The following RYR3 variants were observed in gnomAD, a reference collection of about 807,000 sequenced individuals.
The protein encoded by RYR3 is brain ryanodine receptor-calcium release channel.
In RYR3, 207 loss-of-function variants were observed where a neutral mutation model predicts 584.3. The observed-to-expected ratio is 0.35, with a 90% CI of 0.32 to 0.40. The LOEUF (loss-of-function observed/expected upper bound fraction) is 0.40, where lower values mean the gene tolerates loss of function less well. RYR3 is among the 10% of genes least tolerant of loss of function. The probability of loss-of-function intolerance (pLI) is 1.00; values close to 1 mark genes in which losing one functional copy is unlikely to be tolerated. For missense variants in RYR3, 5,616 were observed against 6,089.2 expected (o/e 0.92, Z 2.59); for synonymous variants, 2,416 against 2,248.5 (o/e 1.07, Z -2.11).
At chr15:33,564,002 C>G (rs1595610813) in intron 11 of RYR3, among the ~76,000 whole-genome samples, 1 of 152,160 alleles carries the variant, frequency 6.6e-6, no homozygotes, top group East Asian at 1.9e-4. Context: ...TTTCAACAAC[C>G]AAGCCACCCA....
chr15:33,706,898 C>T, intron 42 of RYR3, 21 bp from the exon 43 acceptor site: 1 of 1,582,110 alleles, frequency 6.3e-7, no homozygotes, highest in Non-Finnish European at 8.6e-7. Context: ...CGAAAGAACA[C>T]TTTTGTACTG....
rs753855331 is a variant in RYR3, at chr15:33,838,521, G to C, written c.12541G>C (p.Val4181Leu). ...NVKKMTAKEL[V>L]KVLFSFFWML... is the part of the protein sequence containing the mutation. ...GAAAAAGATGACTGCGAAGGAGCTGGTGAAGGTGCTCTTCTCCTTTTTCTG... is the reference window on the plus strand; with the variant it reads ...GAAAAAGATGACTGCGAAGGAGCTGCTGAAGGTGCTCTTCTCCTTTTTCTG... Residue 4181 changes from valine (V) to leucine (L), a missense_variant, in exon 89 of 104, where the codon GTG becomes CTG. Around this residue, in one of 9 missense-constraint regions of RYR3, gnomAD observed 918 missense variants for 887.4 expected, o/e 1.03. Transcript: ENST00000634891. 3 of 1,613,998 alleles carry C rather than the reference G, an allele frequency of 1.9e-6. No individual in the cohort carries two copies. The African/African-American group carries it at 4.0e-5, about 22-fold the overall frequency.
chr15:33,756,637 G>C (rs574513312), intron 59 of RYR3, among the ~76,000 whole-genome samples: 12 of 152,244 alleles, frequency 7.9e-5, no homozygotes, highest in East Asian at 7.7e-4. Flanking sequence ...GCCTGTGTGC[G>C]TGGTTCAGAC....
chr15:33,605,832 C>T (rs2059878991), intron 18 of RYR3, among the ~76,000 whole-genome samples: 3 of 152,094 alleles, frequency 2.0e-5, no homozygotes, highest in African/African-American at 7.2e-5. Context: ...AGAAATGAAA[C>T]AGAAATAACA....
intron 85 of RYR3, among the ~76,000 whole-genome samples, chr15:33,829,751 CAAAA>C (rs56172137): frequency 0.25 from 33,125 of 134,808 alleles, 3,829 homozygotes; most frequent in Middle Eastern, 0.42. Flanking sequence ...GACTCTGTCT[CAAAA>C]AAAAAAAAAA....
intron 52 of RYR3, among the ~76,000 whole-genome samples, chr15:33,743,277 T>C (rs546524613): frequency 1.3e-5 from 2 of 152,284 alleles, no homozygotes; most frequent in East Asian, 3.9e-4. Context: ...TGATAACAGC[T>C]ATCATTGTAA....
At chr15:33,376,750 C>T (rs1381452538) in intron 1 of RYR3, among the ~76,000 whole-genome samples, 3 of 152,098 alleles carry the variant, frequency 2.0e-5, no homozygotes, top group Admixed American at 6.5e-5. Context: ...TTTTATGGTC[C>T]GAACTTTCAC....
intron 1 of RYR3, among the ~76,000 whole-genome samples, chr15:33,448,192 G>A (rs903839224): frequency 3.3e-5 from 5 of 152,192 alleles, no homozygotes; most frequent in African/African-American, 1.2e-4. Flanking sequence ...GCCTCCGGGA[G>A]GATAAGCAGC....
intron 17 of RYR3, among the ~76,000 whole-genome samples, chr15:33,602,611 C>T (rs967175081): frequency 2.0e-5 from 3 of 151,932 alleles, no homozygotes; most frequent in Non-Finnish European, 4.4e-5. Flanking sequence ...ACTCAGTAAA[C>T]GTTGGTTGCC....
In RYR3 at chr15:33,408,829, T is replaced by G. The variant is rs527564595; in HGVS notation, c.52-64590T>G. On this transcript the variant is annotated intron_variant, in intron 1 of 103. Coordinates refer to ENST00000634891, the MANE Select transcript of RYR3 (RefSeq NM_001036.6). ...TAGTAGGCAGCAGAGGACATAAAATTTTAGTATTTTGGGTCTCAACTTCAG... is the reference window on the plus strand; with the variant it reads ...TAGTAGGCAGCAGAGGACATAAAATGTTAGTATTTTGGGTCTCAACTTCAG... 2.7e-4 allele frequency among the ~76,000 whole-genome samples: 41 copies of G among 152,306 alleles called. 1 individual carries two copies. The South Asian group carries it at 4.4e-3, about 16-fold the overall frequency.
chr15:33,644,840 GT>G (rs201791955), intron 28 of RYR3, among the ~76,000 whole-genome samples: 2 of 150,390 alleles, frequency 1.3e-5, no homozygotes, highest in African/African-American at 2.4e-5. Context: ...AAACTTTTCT[GT>G]TTTTTTTTCT....
At chr15:33,731,716 T>A in intron 48 of RYR3, 22 bp downstream of exon 48, 4 of 1,521,456 alleles carry the variant, frequency 2.6e-6, no homozygotes, top group Non-Finnish European at 3.6e-6. Context: ...TCCTATGTTG[T>A]TACTTCTGTG....
intron 38 of RYR3, among the ~76,000 whole-genome samples, chr15:33,692,390 T>C (rs904041166): frequency 2.6e-5 from 4 of 152,166 alleles, no homozygotes; most frequent in Non-Finnish European, 5.9e-5. Flanking sequence ...TGACAAAATA[T>C]GTTGTGCTTT....
intron 16 of RYR3, among the ~76,000 whole-genome samples, chr15:33,597,424 G>A (rs1241696742): frequency 6.6e-6 from 1 of 152,092 alleles, no homozygotes; most frequent in African/African-American, 2.4e-5. Flanking sequence ...AAACCAGCCT[G>A]GTCAACATAG....
chr15:33,640,944 CCTT>C (rs1487403839), intron 27 of RYR3, among the ~76,000 whole-genome samples: 12 of 152,156 alleles, frequency 7.9e-5, no homozygotes, highest in Non-Finnish European at 1.0e-4. Flanking sequence ...ATATGGAAAT[CCTT>C]CTTTATGACA....
chr15:33,494,781 T>C (rs1409464808), intron 2 of RYR3, among the ~76,000 whole-genome samples: 1 of 152,242 alleles, frequency 6.6e-6, no homozygotes, highest in East Asian at 1.9e-4. Context: ...ATAGCTTCTA[T>C]AGTTTTCTTC....
chr15:33,403,366 C>T (rs1484548384), intron 1 of RYR3, among the ~76,000 whole-genome samples: 1 of 152,130 alleles, frequency 6.6e-6, no homozygotes, highest in Non-Finnish European at 1.5e-5. Flanking sequence ...TGATAAGATA[C>T]ATGTTTAAAG....
chr15:33,536,564 G>A (rs2055346028), intron 5 of RYR3, among the ~76,000 whole-genome samples: 1 of 152,152 alleles, frequency 6.6e-6, no homozygotes, highest in Non-Finnish European at 1.5e-5. Context: ...GTGTGGGAGA[G>A]GGCAGGGAAG....
intron 15 of RYR3, among the ~76,000 whole-genome samples, chr15:33,584,914 G>C (rs1462025251): frequency 6.6e-6 from 1 of 151,912 alleles, no homozygotes; most frequent in Admixed American, 6.6e-5. Flanking sequence ...AGAATGACAG[G>C]GATGAGAGGA....
Sources: allele counts gnomAD v4.1 joint callset (sites outside exome capture counted in the v4.1 genomes callset), GRCh38; gene constraint gnomAD v4.1.1; regional missense constraint gnomAD v4.1.1; transcripts MANE v1.5; gene names NCBI Gene and HGNC (gene_info 2026-07-23, HGNC 2026-07-21).